CSMD3: variants seen among roughly 807,000 people sequenced by gnomAD.
CSMD3 encodes the protein CUB and sushi domain-containing protein 3.
A neutral mutation model predicts 435.2 loss-of-function variants in CSMD3; 177 were observed. The ratio of observed to expected loss-of-function variants is 0.41; its 90% confidence interval spans 0.36 to 0.46. CSMD3 has a LOEUF of 0.46. Ranked by LOEUF, CSMD3 falls within the 20% of genes least tolerant of loss-of-function variation. The pLI, the probability that CSMD3 is intolerant of heterozygous loss-of-function variation, is 0.34. For synonymous variants in CSMD3, 1,656 were observed against 1,520.5 expected (o/e 1.09, Z -2.07); for missense variants, 4,265 against 4,504.6 (o/e 0.95, Z 1.52).
At chr8:112,389,926 T>C (rs2129705573) in intron 36 of CSMD3, among the ~76,000 whole-genome samples, 1 of 152,308 alleles carries the variant, frequency 6.6e-6, no homozygotes, top group East Asian at 1.9e-4. Context: ...ATAATTCAAA[T>C]AACAGGACAG....
intron 5 of CSMD3, among the ~76,000 whole-genome samples, chr8:113,061,936 A>C (rs1433680984): frequency 1.3e-5 from 2 of 151,864 alleles, no homozygotes; most frequent in Admixed American, 1.3e-4. Flanking sequence ...TTCTTTGTAC[A>C]TAATTCATGA....
chr8:112,443,182 T>C (rs113642346), intron 32 of CSMD3, among the ~76,000 whole-genome samples: 2 of 152,282 alleles, frequency 1.3e-5, no homozygotes, highest in African/African-American at 4.8e-5. Context: ...GTGAATGCTG[T>C]TCTTCCCTCA....
At chr8:113,420,912 G>A (rs2094606098) in intron 1 of CSMD3, among the ~76,000 whole-genome samples, 1 of 151,268 alleles carries the variant, frequency 6.6e-6, no homozygotes, top group African/African-American at 2.4e-5. Flanking sequence ...TCGCCCCATT[G>A]CACTCCAATG....
chr8:112,380,330 T>C, intron 38 of CSMD3, 22 bp downstream of exon 38: 1 of 1,250,148 alleles, frequency 8.0e-7, no homozygotes, highest in East Asian at 2.3e-5. Context: ...CCTTTTTGAA[T>C]GGCACATGAT....
chr8:112,319,870 G>C, intron 46 of CSMD3, 31 bp downstream of exon 46: 1 of 1,473,636 alleles, frequency 6.8e-7, no homozygotes, highest in Non-Finnish European at 9.5e-7. Context: ...CCAGCAGTAT[G>C]TTTTCCTTGA....
intron 1 of CSMD3, among the ~76,000 whole-genome samples, chr8:113,429,813 T>A (rs1204118141): frequency 1.3e-5 from 2 of 152,118 alleles, no homozygotes; most frequent in Non-Finnish European, 2.9e-5. Context: ...GAATTAATGG[T>A]CTTTGAAAAC....
At chr8:112,600,409 T>G (rs1586777424) in intron 22 of CSMD3, among the ~76,000 whole-genome samples, 2 of 152,278 alleles carry the variant, frequency 1.3e-5, no homozygotes, top group South Asian at 4.1e-4. Context: ...CGACAAGACC[T>G]TTAGAGAGTA....
chr8:113,255,202 G>A (rs2093369256), intron 3 of CSMD3, among the ~76,000 whole-genome samples: 1 of 152,092 alleles, frequency 6.6e-6, no homozygotes, highest in Non-Finnish European at 1.5e-5. Flanking sequence ...GGATGTTTAA[G>A]TTCTTCAATA....
intron 32 of CSMD3, among the ~76,000 whole-genome samples, chr8:112,435,121 T>TG (rs1814178799): frequency 1.3e-5 from 2 of 152,106 alleles, no homozygotes; most frequent in Admixed American, 6.6e-5. Context: ...CTGTTACCTT[T>TG]GGGACAATGT....
At chr8:112,448,445 G>A (rs1024784661) in intron 32 of CSMD3, among the ~76,000 whole-genome samples, 4 of 152,042 alleles carry the variant, frequency 2.6e-5, no homozygotes, top group Admixed American at 6.6e-5. Flanking sequence ...ATTTGCACAC[G>A]TACACACATA....
chr8:113,358,999 G>A (rs549597702), intron 1 of CSMD3, among the ~76,000 whole-genome samples: 2 of 151,916 alleles, frequency 1.3e-5, no homozygotes, highest in South Asian at 2.1e-4. Flanking sequence ...TAATATTAAA[G>A]ATATTTTAGC....
chr8:112,443,415 C>T (rs1815258567), intron 32 of CSMD3, among the ~76,000 whole-genome samples: 2 of 152,068 alleles, frequency 1.3e-5, no homozygotes, highest in South Asian at 4.1e-4. Flanking sequence ...AGATAAAAGA[C>T]TATATTTCAA....
At chr8:112,225,666 A>C (rs1812491061) in intron 70 of CSMD3, among the ~76,000 whole-genome samples, 1 of 152,200 alleles carries the variant, frequency 6.6e-6, no homozygotes, top group Admixed American at 6.5e-5. Context: ...GAGTATCCCA[A>C]AACATGAATG....
chr8:113,081,084 A>T (rs2089544527), intron 5 of CSMD3, among the ~76,000 whole-genome samples: 1 of 152,202 alleles, frequency 6.6e-6, no homozygotes, highest in South Asian at 2.1e-4. Context: ...GATATTAAAA[A>T]GTTTAGCTAT....
At chr8:112,757,499 A>G (rs1303594122) in intron 13 of CSMD3, among the ~76,000 whole-genome samples, 2 of 152,176 alleles carry the variant, frequency 1.3e-5, no homozygotes, top group African/African-American at 2.4e-5. Context: ...GCAAACAAAT[A>G]TAGTAACAGA....
intron 1 of CSMD3, among the ~76,000 whole-genome samples, chr8:113,344,128 A>G (rs2094137427): frequency 6.6e-6 from 1 of 152,144 alleles, no homozygotes; most frequent in Non-Finnish European, 1.5e-5. Context: ...CTGACTAAAG[A>G]AAGTTATGAA....
rs2130656408 is a variant in CSMD3, at chr8:112,289,464, C to G, written c.9049G>C (p.Val3017Leu). The change falls in exon 57 of 71, where the codon GTT becomes CTT. Residue 3017 changes from valine (V) to leucine (L), a missense_variant. Coordinates refer to ENST00000297405, the MANE Select transcript of CSMD3 (RefSeq NM_198123.2). ...SGEKYTFGST[V>L]HYSCTGKRSL... ...CGCTTTCCTGTGCAGGAATAGTGAA[C>G]AGTAGACCCAAAAGTATACTTCTCG... is the stretch of plus-strand genomic sequence containing the variant. 2 of 1,613,268 alleles carry G rather than the reference C, an allele frequency of 1.2e-6. No individual in the cohort carries two copies. The highest frequency in any genetic ancestry group is 1.7e-6 in the Non-Finnish European group (2 of 1,179,502).
intron 11 of CSMD3, among the ~76,000 whole-genome samples, chr8:112,853,044 T>G (rs980588183): frequency 3.3e-5 from 5 of 152,176 alleles, no homozygotes; most frequent in Non-Finnish European, 5.9e-5. Context: ...AGTTCAAATA[T>G]ACTTGAGACA....
chr8:112,547,935 T>C (rs1269948368), intron 27 of CSMD3, among the ~76,000 whole-genome samples: 1 of 152,124 alleles, frequency 6.6e-6, no homozygotes, highest in African/African-American at 2.4e-5. Context: ...GATGAACATA[T>C]GAATGAATGG....
Sources: gnomAD v4.1 joint callset for allele counts (sites outside exome capture counted in the v4.1 genomes callset) on GRCh38, gnomAD v4.1.1 for gene constraint, MANE v1.5 for transcripts, NCBI Gene and HGNC (gene_info 2026-07-23, HGNC 2026-07-21) for gene names.